The following NBAS variants were observed in gnomAD, a reference collection of about 807,000 sequenced individuals.
NBAS encodes the protein NBAS subunit of NRZ tethering complex.
NBAS carries 219 observed loss-of-function variants against 302.5 expected under a neutral mutation model. The observed-to-expected ratio is 0.72, with a 90% CI of 0.65 to 0.81. NBAS has a LOEUF of 0.81. Among genes scored for constraint, NBAS ranks in the 30% least tolerant of loss-of-function variants. NBAS has a pLI of 0.00. For synonymous variants in NBAS, 1,118 were observed against 1,021.6 expected (o/e 1.09, Z -1.80); for missense variants, 2,932 against 2,841.6 (o/e 1.03, Z -0.72).
chr2:15,513,176 C>A (rs1019426312), intron 9 of NBAS, among the ~76,000 whole-genome samples: 4 of 152,212 alleles, frequency 2.6e-5, no homozygotes, highest in African/African-American at 9.6e-5. Flanking sequence ...GGCCTACACA[C>A]AAAGCCTTTT....
intron 21 of NBAS, among the ~76,000 whole-genome samples, chr2:15,441,760 C>G (rs540498565): frequency 1.7e-4 from 26 of 152,002 alleles, no homozygotes; most frequent in Admixed American, 1.6e-3. Context: ...TTCAGGAAAC[C>G]CATCTCATGT....
chr2:15,154,637 G>A, the NBAS span, among the ~76,000 whole-genome samples: 1 of 152,276 alleles, frequency 6.6e-6, no homozygotes, highest in Admixed American at 6.5e-5. Flanking sequence ...AGAATAAGAG[G>A]TGGGCCCAGC....
At chr2:15,234,301 A>G (rs1209299341) in intron 46 of NBAS, among the ~76,000 whole-genome samples, 3 of 152,218 alleles carry the variant, frequency 2.0e-5, no homozygotes, top group Admixed American at 1.3e-4. Context: ...TCAAGAAAAG[A>G]TTGTAAAAGG....
chr2:14,879,096 A>C, the NBAS span, among the ~76,000 whole-genome samples: 3 of 152,190 alleles, frequency 2.0e-5, no homozygotes, highest in South Asian at 6.2e-4. Flanking sequence ...ACTTAGTAAT[A>C]TGCATTTAAG....
At chr2:15,113,144 G>A in the NBAS span, among the ~76,000 whole-genome samples, 1 of 152,126 alleles carries the variant, frequency 6.6e-6, no homozygotes, top group African/African-American at 2.4e-5. Context: ...GTGGGATAGA[G>A]AAATAAGTAA....
chr2:15,106,800 G>A, the NBAS span, among the ~76,000 whole-genome samples: 1 of 152,052 alleles, frequency 6.6e-6, no homozygotes, highest in Non-Finnish European at 1.5e-5. Context: ...GGGTGGGCTA[G>A]TGATAGAGGG....
the NBAS span, among the ~76,000 whole-genome samples, chr2:15,029,252 G>A: frequency 6.6e-6 from 1 of 152,332 alleles, no homozygotes; most frequent in East Asian, 1.9e-4. Context: ...CTGGCATCAG[G>A]AAGAAGGTCC....
At chr2:15,456,522 G>A (rs766557033) in intron 21 of NBAS, among the ~76,000 whole-genome samples, 12 of 152,202 alleles carry the variant, frequency 7.9e-5, no homozygotes, top group Non-Finnish European at 1.6e-4. Flanking sequence ...TCTCAGTACT[G>A]CAGCTACATT....
the NBAS span, among the ~76,000 whole-genome samples, chr2:14,894,646 T>C: frequency 6.6e-6 from 1 of 152,094 alleles, no homozygotes; most frequent in African/African-American, 2.4e-5. Context: ...ACTGGAATAC[T>C]GCCATATTGA....
intron 21 of NBAS, among the ~76,000 whole-genome samples, chr2:15,458,557 C>G (rs1206397639): frequency 6.6e-6 from 1 of 152,118 alleles, no homozygotes; most frequent in African/African-American, 2.4e-5. Context: ...GCTTGCTCCC[C>G]CTTCACCTTC....
chr2:15,262,964 T>C (rs1668917289), intron 44 of NBAS, among the ~76,000 whole-genome samples: 1 of 152,156 alleles, frequency 6.6e-6, no homozygotes, highest in African/African-American at 2.4e-5. Context: ...TGAAAACAAA[T>C]GCAGGTAGCA....
the NBAS span, among the ~76,000 whole-genome samples, chr2:15,071,206 A>G: frequency 1.3e-5 from 2 of 152,362 alleles, no homozygotes; most frequent in Admixed American, 6.5e-5. Context: ...GATTCTCAAC[A>G]GGGAACAATG....
intron 21 of NBAS, among the ~76,000 whole-genome samples, chr2:15,439,843 C>T (rs1029404781): frequency 6.6e-6 from 1 of 152,226 alleles, no homozygotes; most frequent in Non-Finnish European, 1.5e-5. Flanking sequence ...AATGGTGCAT[C>T]AGGAGATTAT....
chr2:15,298,940 C>T (rs990168896), intron 40 of NBAS, among the ~76,000 whole-genome samples: 5 of 152,116 alleles, frequency 3.3e-5, no homozygotes, highest in African/African-American at 1.2e-4. Context: ...GCTTCCCACC[C>T]GCTTGCCCCA....
chr2:14,892,416 G>A, the NBAS span, among the ~76,000 whole-genome samples: 1 of 152,190 alleles, frequency 6.6e-6, no homozygotes, highest in Non-Finnish European at 1.5e-5. Flanking sequence ...GGGCGACATA[G>A]ATCAAGACCA....
the NBAS span, among the ~76,000 whole-genome samples, chr2:15,009,399 T>TA: frequency 3.7e-4 from 54 of 145,346 alleles, no homozygotes; most frequent in East Asian, 9.9e-4. Context: ...TAAAGGCTGA[T>TA]AAAAAAAAAA....
the NBAS span, among the ~76,000 whole-genome samples, chr2:15,090,208 C>T: frequency 6.6e-6 from 1 of 152,168 alleles, no homozygotes; most frequent in African/African-American, 2.4e-5. Context: ...AAGGTGTGAA[C>T]TGGAACAAAA....
rs143740188 is a variant in NBAS, at chr2:15,458,556, C to T, written c.2339+2645G>A. On this transcript the variant is annotated intron_variant, in intron 21 of 51. Coordinates refer to ENST00000281513, the MANE Select transcript of NBAS (RefSeq NM_015909.4). Reference sequence around the variant, plus strand: ...CTCACCATGTGAGAGCGCTTGCTCCCCCTTCACCTTCCACCATGACTGGAA... The same window carrying T: ...CTCACCATGTGAGAGCGCTTGCTCCTCCTTCACCTTCCACCATGACTGGAA... Among the ~76,000 whole-genome samples the T allele has an allele frequency of 6.1e-3, 924 of 152,206 alleles. 11 individuals carry two copies. The highest frequency in any genetic ancestry group is 0.02 in the African/African-American group (827 of 41,514).
At chr2:15,438,443 GAAC>G (rs1357537033) in intron 21 of NBAS, among the ~76,000 whole-genome samples, 1 of 152,118 alleles carries the variant, frequency 6.6e-6, no homozygotes, top group Non-Finnish European at 1.5e-5. Flanking sequence ...CTTCTGCTTT[GAAC>G]AACAATGAAG....
Sources: allele counts gnomAD v4.1 joint callset (sites outside exome capture counted in the v4.1 genomes callset), GRCh38; gene constraint gnomAD v4.1.1; transcripts MANE v1.5; gene names NCBI Gene and HGNC (gene_info 2026-07-23, HGNC 2026-07-21).